The following VAV2 variants were observed in gnomAD, a reference collection of about 807,000 sequenced individuals.
VAV2 encodes the protein vav guanine nucleotide exchange factor 2.
VAV2 carries 67 observed loss-of-function variants against 132.5 expected under a neutral mutation model. The observed-to-expected ratio is 0.51, with a 90% CI of 0.42 to 0.62. VAV2 has a LOEUF of 0.62. Ranked by LOEUF, VAV2 falls within the 20% of genes least tolerant of loss-of-function variation. The pLI is 0.00. For missense variants in VAV2, 938 were observed against 1,153.6 expected (o/e 0.81, Z 2.71); for synonymous variants, 492 against 443.5 (o/e 1.11, Z -1.37).
rs201615014 is a variant in VAV2 at position 133,795,657 on chromosome 9, T to C, written c.1101+11A>G. 4.0e-4 allele frequency: 639 copies of C among 1,614,034 alleles called. 3 individuals are homozygous for C. The African/African-American group carries it at 7.4e-3, about 19-fold the overall frequency. On this transcript the variant is annotated intron_variant, in intron 12 of 29. Coordinates refer to ENST00000371850, the MANE Select transcript of VAV2 (RefSeq NM_001134398.2). ...CGGTGGCTTCTCCCCTGCCTCAGTTTACCCACACACCTGCATGGCTTCCAG... is the reference window on the plus strand; with the variant it reads ...CGGTGGCTTCTCCCCTGCCTCAGTTCACCCACACACCTGCATGGCTTCCAG...
chr9:133,833,208 T>C lies in VAV2; in HGVS notation c.449+1064A>G, dbSNP rs982540511. ...ATATGGGGATGACTTGAATTGTGTA[T>C]ATACACAGGGATCCTGCGGAAAGTA... On this transcript the variant is annotated intron_variant, in intron 4 of 29. Transcript: ENST00000371850. The surrounding 1 kb of genome is among the most constrained non-coding windows in gnomAD (Gnocchi z 5.6). Among the ~76,000 whole-genome samples the C allele has an allele frequency of 6.6e-6, 1 of 152,148 alleles. No homozygotes were observed. The highest frequency in any genetic ancestry group is 2.4e-5 in the African/African-American group (1 of 41,426).
intron 5 of VAV2, 72 bp from the exon 6 acceptor site, chr9:133,810,277 T>G: frequency 6.2e-7 from 1 of 1,605,118 alleles, no homozygotes; most frequent in South Asian, 1.1e-5. Flanking sequence ...AAGCTGGGCC[T>G]GGGACATCAG....
intron 2 of VAV2, among the ~76,000 whole-genome samples, chr9:133,931,853 C>T (rs951055621): frequency 6.6e-6 from 1 of 152,202 alleles, no homozygotes; most frequent in Admixed American, 6.5e-5. Flanking sequence ...GGAGGGAGGA[C>T]AGCGAGGGTT....
At position 133,906,928 on chromosome 9, in the gene VAV2, T is replaced by C. The variant is rs12337542; in HGVS notation, c.321+32175A>G. Among the ~76,000 whole-genome samples the C allele has an allele frequency of 7.9e-3, 1,194 of 151,956 alleles. 20 individuals are homozygous for C. The highest frequency in any genetic ancestry group is 0.027 in the African/African-American group (1,119 of 41,428). On this transcript the variant is annotated intron_variant, in intron 2 of 29. Coordinates refer to ENST00000371850, the MANE Select transcript of VAV2 (RefSeq NM_001134398.2). ...CCCATCCCTTCACAACAGACAGACA[T>C]AGAGACCTGCAGGAGCAGGGACCCT...
At chr9:133,871,467 CGG>C (rs1564423297) in intron 2 of VAV2, among the ~76,000 whole-genome samples, 21,506 of 141,080 alleles carry the variant, frequency 0.15, 1,981 homozygotes, top group African/African-American at 0.26. Context: ...GATGGAGAAG[CGG>C]ATGGATGGAT....
chr9:133,976,143 T>C (rs1471942303), intron 1 of VAV2, among the ~76,000 whole-genome samples: 1 of 151,712 alleles, frequency 6.6e-6, no homozygotes, highest in Non-Finnish European at 1.5e-5. Context: ...GAGGCGGAGG[T>C]TGCAGTGAGC....
At chr9:133,831,246 G>A (rs554656913) in intron 4 of VAV2, among the ~76,000 whole-genome samples, 2 of 152,256 alleles carry the variant, frequency 1.3e-5, no homozygotes, top group Middle Eastern at 6.8e-3. Context: ...GACCAGCCTG[G>A]CCAACACGGT....
At chr9:133,929,676 G>A (rs1373072564) in intron 2 of VAV2, among the ~76,000 whole-genome samples, 2 of 152,140 alleles carry the variant, frequency 1.3e-5, no homozygotes, top group African/African-American at 4.8e-5. Context: ...GGGCCAGAGG[G>A]ACTGGGATGA....
At chr9:133,771,308 C>T (rs1421724296) in intron 26 of VAV2, among the ~76,000 whole-genome samples, 1 of 152,040 alleles carries the variant, frequency 6.6e-6, no homozygotes, top group African/African-American at 2.4e-5. Flanking sequence ...AAGTGATTCA[C>T]CCACCTCGGC....
intron 2 of VAV2, among the ~76,000 whole-genome samples, chr9:133,914,608 C>CAGAG (rs57784727): frequency 0.018 from 1,706 of 93,124 alleles, 145 homozygotes; most frequent in African/African-American, 0.086. Context: ...TTCCTACCAC[C>CAGAG]AGAGAGAGAG....
intron 2 of VAV2, among the ~76,000 whole-genome samples, chr9:133,930,090 G>A (rs1269884177): frequency 2.0e-5 from 3 of 152,210 alleles, no homozygotes; most frequent in East Asian, 1.9e-4. Flanking sequence ...CACTGACGCC[G>A]TCAGCACCGA....
At chr9:133,814,014 C>G (rs1049019734) in intron 4 of VAV2, among the ~76,000 whole-genome samples, 1 of 152,212 alleles carries the variant, frequency 6.6e-6, no homozygotes, top group East Asian at 1.9e-4. Flanking sequence ...CTCTCCCCAC[C>G]CGCCCTCCAC....
At position 133,834,133 on chromosome 9, in the gene VAV2, G is replaced by A. The variant is rs1836368524; in HGVS notation, c.449+139C>T. 1.1e-6 allele frequency: 1 copy of A among 918,542 alleles called. No individual in the cohort carries two copies. Among genetic ancestry groups the A allele is most frequent in the South Asian group, 1.6e-5 (1 of 61,846 alleles). 56.9% of individuals were successfully genotyped at this position (918,542 alleles called of 1,614,324 possible). ...AGCCCACACCATGACCCATCATGAG[G>A]AGATGCCCCGGTGGGAAGGGCCAGG... On this transcript the variant is annotated intron_variant, in intron 4 of 29. Coordinates refer to ENST00000371850, the MANE Select transcript of VAV2 (RefSeq NM_001134398.2). This position sits in a 1 kb window ranked among gnomAD's most constrained non-coding sequence, Gnocchi z 5.9.
In VAV2 at chr9:133,768,778, C is replaced by G. The variant is rs1165530665; in HGVS notation, c.2435-182G>C. Among the ~76,000 whole-genome samples, 1 of 152,100 alleles carries G rather than the reference C, an allele frequency of 6.6e-6. No individual in the cohort carries two copies. The highest frequency in any genetic ancestry group is 2.4e-5 in the African/African-American group (1 of 41,404). On this transcript the variant is annotated intron_variant, in intron 28 of 29. Coordinates refer to ENST00000371850, the MANE Select transcript of VAV2 (RefSeq NM_001134398.2). The surrounding 1 kb of genome is among the most constrained non-coding windows in gnomAD (Gnocchi z 5.3). ...ACACTGGCCTCCAATCCCAGGGCCCCTTGCCCTCTGGGTCTGGGGACACAG... is the reference window on the plus strand; with the variant it reads ...ACACTGGCCTCCAATCCCAGGGCCCGTTGCCCTCTGGGTCTGGGGACACAG...
rs1188983506 is a variant in VAV2, at chr9:133,768,202, T to C, written c.2589+240A>G. 6.6e-6 allele frequency among the ~76,000 whole-genome samples: 1 copy of C among 152,186 alleles called. No individual in the cohort carries two copies. Among genetic ancestry groups the C allele is most frequent in the Non-Finnish European group, 1.5e-5 (1 of 68,048 alleles). ...GGGTTCCTAGGAGCCTGGATCCGCA[T>C]CAGACCTCTGTAGCCGATTTCTGGC... On this transcript the variant is annotated intron_variant, in intron 29 of 29. Coordinates refer to ENST00000371850, the MANE Select transcript of VAV2 (RefSeq NM_001134398.2). The surrounding 1 kb of genome is among the most constrained non-coding windows in gnomAD (Gnocchi z 5.3).
chr9:133,809,198 C>T, intron 6 of VAV2, 60 bp from the exon 7 acceptor site: 2 of 1,445,054 alleles, frequency 1.4e-6, no homozygotes, highest in Admixed American at 1.7e-5. Flanking sequence ...GCCACCTGCA[C>T]ATCTGCACCG....
chr9:133,931,807 C>T (rs527829030), intron 2 of VAV2, among the ~76,000 whole-genome samples: 23 of 152,280 alleles, frequency 1.5e-4, no homozygotes, highest in Admixed American at 5.2e-4. Context: ...AGGAGCTGGA[C>T]GGATCCCAAT....
chr9:133,943,385 C>T (rs965182182), intron 1 of VAV2, among the ~76,000 whole-genome samples: 14 of 152,196 alleles, frequency 9.2e-5, no homozygotes, highest in Non-Finnish European at 1.3e-4. Flanking sequence ...TGGTGGTCAG[C>T]GCCAGGTGAA....
chr9:133,907,381 G>A (rs1839696842), intron 2 of VAV2, among the ~76,000 whole-genome samples: 1 of 152,324 alleles, frequency 6.6e-6, no homozygotes, highest in South Asian at 2.1e-4. Context: ...CACGGTTCAA[G>A]CCCAGGCCGA....
Sources: gnomAD v4.1 joint callset for allele counts (sites outside exome capture counted in the v4.1 genomes callset) on GRCh38, gnomAD v4.1.1 for gene constraint, Gnocchi (gnomAD v3.1) non-coding constraint, MANE v1.5 for transcripts, NCBI Gene and HGNC (gene_info 2026-07-23, HGNC 2026-07-21) for gene names.